Variants in DIP2C observed in about 807,000 individuals in gnomAD.
DIP2C encodes the protein disco-interacting protein 2 homolog C.
DIP2C carries 33 observed loss-of-function variants against 192.4 expected under a neutral mutation model. The observed-to-expected ratio is 0.17, with a 90% CI of 0.13 to 0.23. DIP2C has a LOEUF of 0.23. DIP2C is among the 10% of genes least tolerant of loss of function. The pLI is 1.00. For synonymous variants in DIP2C, 979 were observed against 864.1 expected (o/e 1.13, Z -2.33); for missense variants, 1,537 against 2,110.1 (o/e 0.73, Z 5.32).
At chr10:420,890 A>G (rs10795122) in intron 5 of DIP2C, among the ~76,000 whole-genome samples, 53,908 of 152,020 alleles carry the variant, frequency 0.35, 11,018 homozygotes, top group Non-Finnish European at 0.47. Context: ...GGGATCGGCC[A>G]GTGTGACTCA....
At chr10:457,489 T>C (rs1214560219) in intron 3 of DIP2C, among the ~76,000 whole-genome samples, 1 of 152,230 alleles carries the variant, frequency 6.6e-6, no homozygotes. Flanking sequence ...TCCTATATAT[T>C]TCTGCTACAT....
intron 1 of DIP2C, among the ~76,000 whole-genome samples, chr10:547,232 C>T (rs1442891666): frequency 2.6e-5 from 4 of 152,222 alleles, no homozygotes; most frequent in Non-Finnish European, 4.4e-5. Context: ...CAGCCCCCAT[C>T]GCGAGGCCAC....
chr10:616,188 G>A lies in DIP2C; in HGVS notation c.85+73306C>T, dbSNP rs76924909. Among the ~76,000 whole-genome samples the A allele has an allele frequency of 3.3e-3, 505 of 152,176 alleles. 4 individuals carry two copies. Among genetic ancestry groups the A allele is most frequent in the African/African-American group, 0.011 (475 of 41,520 alleles). The stretch of plus-strand genomic sequence containing the variant: ...CTGGGTTCCAAGTACTAAATTCCTC[G>A]ATTTTATCAATTAGATTATCAAGCA... On this transcript the variant is annotated intron_variant, in intron 1 of 36. Transcript: ENST00000280886.
At chr10:486,557 G>C (rs771922669) in intron 1 of DIP2C, 27 bp from the exon 2 acceptor site, 1 of 1,590,504 alleles carries the variant, frequency 6.3e-7, no homozygotes, top group African/African-American at 1.3e-5. Flanking sequence ...ATGAAGTTCA[G>C]TATGGTCTCC....
chr10:643,310 G>A (rs1231885305), intron 1 of DIP2C, among the ~76,000 whole-genome samples: 1 of 151,714 alleles, frequency 6.6e-6, no homozygotes, highest in Non-Finnish European at 1.5e-5. Flanking sequence ...GTCAGAGATC[G>A]AGACCATCCT....
intron 9 of DIP2C, among the ~76,000 whole-genome samples, chr10:404,857 T>C (rs771119870): frequency 1.1e-4 from 16 of 152,218 alleles, no homozygotes; most frequent in Non-Finnish European, 2.4e-4. Flanking sequence ...CTTCAAACTA[T>C]CCGAGGTTTA....
chr10:581,034 G>A (rs779330285), intron 1 of DIP2C, among the ~76,000 whole-genome samples: 1 of 151,556 alleles, frequency 6.6e-6, no homozygotes, highest in East Asian at 1.9e-4. Flanking sequence ...TCATTTTCTG[G>A]TGAGAGAGAC....
At chr10:664,857 G>C (rs1856990818) in intron 1 of DIP2C, 1 of 152,004 alleles carries the variant, frequency 6.6e-6, no homozygotes, top group Non-Finnish European at 1.5e-5. Context: ...ATACTAAATA[G>C]ACGGGAAAAA....
At chr10:470,068 T>C (rs544217079) in intron 3 of DIP2C, among the ~76,000 whole-genome samples, 6 of 152,184 alleles carry the variant, frequency 3.9e-5, no homozygotes, top group Admixed American at 1.3e-4. Context: ...GATGGACGGA[T>C]GGTGGACGTA....
chr10:337,656 GGT>G (rs1957912366), intron 29 of DIP2C, among the ~76,000 whole-genome samples: 1 of 131,036 alleles, frequency 7.6e-6, no homozygotes, highest in Non-Finnish European at 1.6e-5. Flanking sequence ...GGCGTAGGCC[GGT>G]GTGTGTACGC....
intron 30 of DIP2C, among the ~76,000 whole-genome samples, chr10:328,353 T>G (rs1589495981): frequency 6.6e-6 from 1 of 152,220 alleles, no homozygotes; most frequent in East Asian, 1.9e-4. Flanking sequence ...CCTAAGAACC[T>G]GGAAAGGTTG....
chr10:663,024 A>G, intron 1 of DIP2C: 1 of 686,144 alleles, frequency 1.5e-6, no homozygotes, highest in Non-Finnish European at 2.7e-6. Flanking sequence ...TCCAGGAAAG[A>G]CTCTAAACAC....
chr10:310,381 G>T (rs1198636760), intron 31 of DIP2C, among the ~76,000 whole-genome samples: 1 of 152,226 alleles, frequency 6.6e-6, no homozygotes, highest in East Asian at 1.9e-4. Context: ...AAAAAAGGAA[G>T]GCTGAAAACT....
At chr10:603,625 G>C (rs1256566823) in intron 1 of DIP2C, among the ~76,000 whole-genome samples, 3 of 152,174 alleles carry the variant, frequency 2.0e-5, no homozygotes, top group African/African-American at 7.2e-5. Context: ...CATCGTTTGT[G>C]TCTATTTCCC....
intron 1 of DIP2C, among the ~76,000 whole-genome samples, chr10:580,076 A>C (rs911806493): frequency 6.6e-6 from 1 of 152,168 alleles, no homozygotes; most frequent in Non-Finnish European, 1.5e-5. Flanking sequence ...ATGTACATGC[A>C]TATAGCATAC....
chr10:603,330 AAAAC>A (rs1852229129), intron 1 of DIP2C, among the ~76,000 whole-genome samples: 7 of 128,086 alleles, frequency 5.5e-5, no homozygotes, highest in African/African-American at 2.0e-4. Flanking sequence ...AAAAAAAAAA[AAAAC>A]CAACCATGAG....
At chr10:682,363 AC>A (rs1337231464) in intron 1 of DIP2C, among the ~76,000 whole-genome samples, 4 of 152,068 alleles carry the variant, frequency 2.6e-5, no homozygotes, top group Non-Finnish European at 4.4e-5. Flanking sequence ...GCAGATTGCC[AC>A]CTCCCTCCTC....
At chr10:597,665 C>A (rs998772769) in intron 1 of DIP2C, among the ~76,000 whole-genome samples, 1 of 152,180 alleles carries the variant, frequency 6.6e-6, no homozygotes, top group Non-Finnish European at 1.5e-5. Flanking sequence ...GCTCTTAATA[C>A]GTAAGAAATC....
chr10:572,764 C>CA (rs530062769), intron 1 of DIP2C, among the ~76,000 whole-genome samples: 24 of 152,296 alleles, frequency 1.6e-4, no homozygotes, highest in African/African-American at 3.4e-4. Flanking sequence ...AAATGATCCA[C>CA]AAGCCAGCTT....
Sources: allele counts gnomAD v4.1 joint callset (sites outside exome capture counted in the v4.1 genomes callset), GRCh38; gene constraint gnomAD v4.1.1; transcripts MANE v1.5; gene names NCBI Gene and HGNC (gene_info 2026-07-23, HGNC 2026-07-21).